NBEAL1: variants seen among roughly 807,000 people sequenced by gnomAD.
NBEAL1 encodes the protein neurobeachin-like protein 1.
Under a neutral mutation model 351.3 loss-of-function variants are expected in NBEAL1, and 273 were observed. The ratio of observed to expected loss-of-function variants is 0.78; its 90% CI spans 0.70 to 0.86. The LOEUF (loss-of-function observed/expected upper bound fraction) is 0.86. Among genes scored for constraint, NBEAL1 ranks in the 40% least tolerant of loss-of-function variants. NBEAL1 has a pLI of 0.00. For synonymous variants in NBEAL1, 1,050 were observed against 1,086.4 expected (o/e 0.97, Z 0.66); for missense variants, 2,961 against 3,201.3 (o/e 0.92, Z 1.81).
chr2:203,185,085 A>G (rs983298056), intron 44 of NBEAL1, among the ~76,000 whole-genome samples: 1 of 152,178 alleles, frequency 6.6e-6, no homozygotes, highest in Admixed American at 6.5e-5. Flanking sequence ...AATAACAAGG[A>G]TGGCATTAGT....
intron 6 of NBEAL1, among the ~76,000 whole-genome samples, chr2:203,066,384 G>A (rs1212498966): frequency 1.3e-5 from 2 of 151,082 alleles, no homozygotes; most frequent in Admixed American, 6.6e-5. Context: ...CAGAGAGCAC[G>A]GGGTTGGGGG....
At chr2:203,194,317 G>C (rs1224751820) in intron 47 of NBEAL1, among the ~76,000 whole-genome samples, 1 of 152,080 alleles carries the variant, frequency 6.6e-6, no homozygotes, top group Non-Finnish European at 1.5e-5. Flanking sequence ...AGTAAAACAG[G>C]AGTAGTTAAT....
chr2:203,217,727 C>A lies in NBEAL1; in HGVS notation c.*373C>A. The A allele has an allele frequency of 3.1e-6, 3 of 968,044 alleles. No homozygotes were observed. The highest frequency in any genetic ancestry group is 1.8e-5 in the African/African-American group (1 of 57,032). 60.0% of individuals were successfully genotyped at this position (968,044 alleles called of 1,614,324 possible). A position where few individuals can be genotyped will look rare whatever the true frequency, so the allele number is the denominator to read the frequency against. ...GGCTTTAAATACATTCTTAAGTAATCATTTTCCTATTTACTGACCACTGTA... is the reference window on the plus strand; with the variant it reads ...GGCTTTAAATACATTCTTAAGTAATAATTTTCCTATTTACTGACCACTGTA... On this transcript the variant is annotated 3_prime_UTR_variant, in exon 56 of 56. Coordinates refer to ENST00000683969, the MANE Select transcript of NBEAL1 (RefSeq NM_001378026.1).
At chr2:203,109,562 C>T in intron 14 of NBEAL1, among the ~76,000 whole-genome samples, 1 of 152,016 alleles carries the variant, frequency 6.6e-6, no homozygotes, top group East Asian at 1.9e-4. Context: ...TCTTGTCGCC[C>T]AGGCTGGAGT....
chr2:203,022,385 T>A (rs1334902519), intron 2 of NBEAL1, among the ~76,000 whole-genome samples: 3 of 152,062 alleles, frequency 2.0e-5, no homozygotes, highest in African/African-American at 7.2e-5. Context: ...TTAAAAAATT[T>A]TTTATTTTAT....
intron 45 of NBEAL1, among the ~76,000 whole-genome samples, chr2:203,188,951 C>T (rs2064991790): frequency 6.6e-6 from 1 of 152,148 alleles, no homozygotes; most frequent in Non-Finnish European, 1.5e-5. Context: ...CATTATTTAG[C>T]TCAGAATCAA....
Position 203,136,128 on chromosome 2 carries a change from G to A in NBEAL1, c.4265G>A (p.Ser1422Asn). 6.2e-7 allele frequency: 1 copy of A among 1,614,174 alleles called. No individual in the cohort carries two copies. The highest frequency in any genetic ancestry group is 8.5e-7 in the Non-Finnish European group (1 of 1,180,014). The change falls in exon 28 of 56, where the codon AGT becomes AAT. Residue 1422 changes from serine (S) to asparagine (N), a missense_variant. By Grantham distance (46) the Ser-to-Asn change is conservative (BLOSUM62 1). Transcript: ENST00000683969. ...GATAGTGGAAGTCAAGTGCCAGACAGTCTGCCTAGCACACCATCCCCAGTA... is the reference window on the plus strand; with the variant it reads ...GATAGTGGAAGTCAAGTGCCAGACAATCTGCCTAGCACACCATCCCCAGTA... ...MSDSGSQVPD[S>N]LPSTPSPVES...
At chr2:203,107,300 C>G (rs575317152) in intron 12 of NBEAL1, 120 bp from the exon 13 acceptor site, 1 of 509,272 alleles carries the variant, frequency 2.0e-6, no homozygotes, top group African/African-American at 1.9e-5. Context: ...GAATTCGTGT[C>G]TTTTTCTTTA....
intron 7 of NBEAL1, chr2:203,075,102 G>A (rs2061748968): frequency 6.6e-6 from 1 of 152,158 alleles, no homozygotes; most frequent in Admixed American, 6.5e-5. Flanking sequence ...CTTTGGCTTT[G>A]GCTTTGGGAG....
chr2:203,172,768 G>A lies in NBEAL1; in HGVS notation c.6238G>A (p.Asp2080Asn), dbSNP rs2064364122. Residue 2080 changes from aspartate (D) to asparagine (N), a missense_variant, in exon 41 of 56, where the codon GAC becomes AAC. Coordinates refer to ENST00000683969, the MANE Select transcript of NBEAL1 (RefSeq NM_001378026.1). ...ILQDYTSEELDLNNPAVFRDL... is the reference protein window; with the variant it reads ...ILQDYTSEELNLNNPAVFRDL... ...ACAAGATTATACTTCGGAAGAGTTG[G>A]ACCTTAATAACCCTGCTGTATTTCG... 6.2e-7 allele frequency: 1 copy of A among 1,611,868 alleles called. No individual in the cohort carries two copies. The highest frequency in any genetic ancestry group is 8.5e-7 in the Non-Finnish European group (1 of 1,178,894).
In NBEAL1 at chr2:203,151,515, G is replaced by A. The variant is rs372102920; in HGVS notation, c.5513G>A (p.Arg1838His). The A allele has an allele frequency of 1.1e-5, 18 of 1,609,304 alleles. No homozygotes were observed. Among genetic ancestry groups the A allele is most frequent in the East Asian group, 2.2e-5 (1 of 44,666 alleles). The part of the protein sequence containing the change: ...WKLANVENYS[R>H]MRLKLVPNYN... ...CTAGCTAATGTAGAGAATTATTCCC[G>A]CATGAGACTTAAGCTGGTACCGAAT... The change falls in exon 35 of 56, where the codon CGC (arginine) becomes CAC (histidine). Residue 1838 changes from arginine to histidine, a missense_variant. Transcript: ENST00000683969.
In NBEAL1 at chr2:203,201,588, C is replaced by A. The variant is rs766409541; in HGVS notation, c.7284C>A (p.Ile2428=). ...INGSFAPGLE[I]TSKLFVVSHD... ...GTTCTTTTGCTCCCGGGCTAGAGAT[C>A]ACTTCTAAGCTATTTGTAGTATCAC... Residue 2428 remains isoleucine (I), a synonymous_variant, in exon 50 of 56, where the codon ATC becomes ATA. Coordinates refer to ENST00000683969, the MANE Select transcript of NBEAL1 (RefSeq NM_001378026.1). The A allele has an allele frequency of 6.2e-7, 1 of 1,603,892 alleles. No individual in the cohort carries two copies. Among genetic ancestry groups the A allele is most frequent in the Non-Finnish European group, 8.5e-7 (1 of 1,174,692 alleles).
At chr2:203,127,027 G>A (rs988149174) in intron 23 of NBEAL1, 101 bp downstream of exon 23, 1 of 813,128 alleles carries the variant, frequency 1.2e-6, no homozygotes, top group Non-Finnish European at 1.9e-6. Context: ...AGCGATTCTA[G>A]TATGTTTTAA....
rs1292891620 is a variant in NBEAL1 at position 203,031,665 on chromosome 2, G to C, written c.52-10100G>C. Among the ~76,000 whole-genome samples the C allele has an allele frequency of 2.0e-5, 3 of 152,210 alleles. No individual in the cohort carries two copies. In the East Asian group the frequency reaches 5.8e-4, roughly 29 times the overall value. ...GAAATATGAAAAAAGTGACCTGGCA[G>C]TTTTGAAAAAGAAATAGACTATCTT... On this transcript the variant is annotated intron_variant, in intron 2 of 55. Coordinates refer to ENST00000683969, the MANE Select transcript of NBEAL1 (RefSeq NM_001378026.1).
intron 10 of NBEAL1, among the ~76,000 whole-genome samples, chr2:203,096,372 A>G (rs2062184842): frequency 6.6e-6 from 1 of 152,198 alleles, no homozygotes; most frequent in African/African-American, 2.4e-5. Context: ...ATATTTCAGC[A>G]TGTAACTCGA....
chr2:203,126,858 C>T lies in NBEAL1; in HGVS notation c.3180C>T (p.Asp1060=). Residue 1060 remains aspartate (D), a synonymous_variant, in exon 23 of 56, where the codon GAC becomes GAT. Coordinates refer to ENST00000683969, the MANE Select transcript of NBEAL1 (RefSeq NM_001378026.1). The part of the protein sequence containing the change: ...HIQYLSTIIK[D]SRRVFRKKYG... ...AGTATCTTTCAACCATCATTAAAGACAGCAGGAGAGTTTTCCGAAAGAAGT... is the reference window on the plus strand; with the variant it reads ...AGTATCTTTCAACCATCATTAAAGATAGCAGGAGAGTTTTCCGAAAGAAGT... 6.4e-7 allele frequency: 1 copy of T among 1,552,728 alleles called. No individual in the cohort carries two copies. Among genetic ancestry groups the T allele is most frequent in the South Asian group, 1.2e-5 (1 of 84,126 alleles).
At chr2:203,084,356 A>G in intron 9 of NBEAL1, 107 bp from the exon 10 acceptor site, 1 of 499,604 alleles carries the variant, frequency 2.0e-6, no homozygotes. Context: ...AAAAATACTG[A>G]ACATCAAAGT....
chr2:203,067,418 T>C (rs955692366), intron 6 of NBEAL1, among the ~76,000 whole-genome samples: 1 of 152,226 alleles, frequency 6.6e-6, no homozygotes, highest in Admixed American at 6.5e-5. Context: ...ATCTGGATCT[T>C]AGAACTCTCT....
chr2:203,209,316 C>T lies in NBEAL1; in HGVS notation c.7779C>T (p.Thr2593=), dbSNP rs777482696. 3.7e-6 allele frequency: 6 copies of T among 1,613,072 alleles called. No homozygotes were observed. The African/African-American group carries it at 8.0e-5, about 22-fold the overall frequency. The stretch of plus-strand genomic sequence containing the variant: ...ACTCCAGCACTGAAGAAAAGACCAC[C>T]CTCAAGGTATATGACCTTTCATGCA... ...VVYSSTEEKT[T]LKDKNALHLF... Residue 2593 remains threonine, a synonymous_variant, in exon 53 of 56, where the codon ACC becomes ACT. Transcript: ENST00000683969.
Sources: gnomAD v4.1 joint callset for allele counts (sites outside exome capture counted in the v4.1 genomes callset) on GRCh38, gnomAD v4.1.1 for gene constraint, MANE v1.5 for transcripts, NCBI Gene and HGNC (gene_info 2026-07-23, HGNC 2026-07-21) for gene names.